Variants in MGST1 observed in about 807,000 individuals in gnomAD.
MGST1 encodes the protein glutathione S-transferase 12.
MGST1 carries 5 observed loss-of-function variants against 8.9 expected under a neutral mutation model. That is an observed-to-expected ratio of 0.56 (90% CI 0.29 to 1.19). The LOEUF is 1.19. Ranked by LOEUF, MGST1 falls within the 50% of genes most tolerant of loss-of-function variation. The probability of loss-of-function intolerance (pLI) is 0.08; values close to 1 mark genes in which losing one functional copy is unlikely to be tolerated. For missense variants in MGST1, 182 were observed against 187.4 expected, an observed-to-expected ratio of 0.97 and a Z score of 0.17; for synonymous variants, 54 against 67.8, an observed-to-expected ratio of 0.80 and a Z score of 1.00.
chr12:16,423,852 C>A (rs915108145), intron 1 of MGST1, among the ~76,000 whole-genome samples: 1 of 152,202 alleles, frequency 6.6e-6, no homozygotes, highest in Non-Finnish European at 1.5e-5. Flanking sequence ...TACATTCTCA[C>A]CAGGCCCTTT....
chr12:16,386,654 G>A (rs144906570), intron 1 of MGST1, among the ~76,000 whole-genome samples: 6 of 152,268 alleles, frequency 3.9e-5, no homozygotes, highest in East Asian at 3.9e-4. Flanking sequence ...CCAGTATGCC[G>A]CTCACTGTGT....
At chr12:16,438,396 T>C (rs770219737) in exon 2 of MGST1, 3 of 151,898 alleles carry the variant, frequency 2.0e-5, no homozygotes, top group Non-Finnish European at 2.9e-5. Flanking sequence ...CTAGACTCTA[T>C]GGTGATGAAG....
chr12:16,572,737 G>T (rs754021222), intron 4 of MGST1, among the ~76,000 whole-genome samples: 6 of 148,634 alleles, frequency 4.0e-5, no homozygotes, highest in African/African-American at 1.5e-4. Context: ...ACCATATAAT[G>T]CTCTGCTCAC....
Position 16,585,634 on chromosome 12 carries a change from G to T in MGST1, n.483-3894G>T, listed in dbSNP as rs942835149. Among the ~76,000 whole-genome samples the T allele has an allele frequency of 2.6e-5, 4 of 152,114 alleles. No homozygotes were observed. The highest frequency in any genetic ancestry group is 9.7e-5 in the African/African-American group (4 of 41,406). On this transcript the variant is annotated intron_variant and non_coding_transcript_variant, in intron 4 of 4. Transcript: ENST00000538857. The surrounding 1 kb of genome is among the most constrained non-coding windows in gnomAD (Gnocchi z 4.7). ...CCACCTGTATTTTCTTTCCGTTGAAGTCCACCCATTCCAATTATTTAAGTG... is the reference window on the plus strand; with the variant it reads ...CCACCTGTATTTTCTTTCCGTTGAATTCCACCCATTCCAATTATTTAAGTG...
chr12:16,557,734 T>A (rs755703543), intron 4 of MGST1, among the ~76,000 whole-genome samples: 1 of 152,096 alleles, frequency 6.6e-6, no homozygotes, highest in Non-Finnish European at 1.5e-5. Flanking sequence ...TAAATTATTT[T>A]ATTGAAGTTT....
Position 16,361,913 on chromosome 12 carries a change from C to G in MGST1, c.222-1882C>G, listed in dbSNP as rs1940014567. On this transcript the variant is annotated intron_variant, in intron 3 of 3. Coordinates refer to ENST00000396210, the MANE Select transcript of MGST1 (RefSeq NM_020300.5). The surrounding 1 kb of genome is among the most constrained non-coding windows in gnomAD (Gnocchi z 4.2). ...ACCCCTGCCCCTTGACCTTCCTTCC[C>G]TCTACCCTCATGGTCCTCTTACTGT... Among the ~76,000 whole-genome samples the G allele has an allele frequency of 6.6e-6, 1 of 152,146 alleles. No individual in the cohort carries two copies. The highest frequency in any genetic ancestry group is 1.5e-5 in the Non-Finnish European group (1 of 68,026).
intron 4 of MGST1, among the ~76,000 whole-genome samples, chr12:16,564,223 C>T (rs1942508718): frequency 6.6e-6 from 1 of 152,146 alleles, no homozygotes; most frequent in Admixed American, 6.6e-5. Context: ...ACACGGCCTA[C>T]CTGTATGCTG....
At chr12:16,477,324 TA>T (rs1941330134) in intron 4 of MGST1, among the ~76,000 whole-genome samples, 1 of 152,164 alleles carries the variant, frequency 6.6e-6, no homozygotes, top group Non-Finnish European at 1.5e-5. Context: ...ATCTTAAAAG[TA>T]GAATCTCTTT....
At chr12:16,552,386 A>C (rs1591763684) in intron 4 of MGST1, among the ~76,000 whole-genome samples, 1 of 152,056 alleles carries the variant, frequency 6.6e-6, no homozygotes, top group East Asian at 1.9e-4. Context: ...GTTCCAGCAG[A>C]AATCTTAGTG....
chr12:16,391,875 G>A (rs1231303257), intron 1 of MGST1, among the ~76,000 whole-genome samples: 1 of 152,034 alleles, frequency 6.6e-6, no homozygotes, highest in Non-Finnish European at 1.5e-5. Flanking sequence ...TCATAGTTTT[G>A]GGTTTTACAT....
chr12:16,474,623 AC>A (rs1197808276), intron 4 of MGST1, among the ~76,000 whole-genome samples: 1 of 152,028 alleles, frequency 6.6e-6, no homozygotes, highest in African/African-American at 2.4e-5. Flanking sequence ...AATTCATATA[AC>A]CTTTTTGATC....
chr12:16,470,282 A>G (rs1211720011), intron 4 of MGST1, among the ~76,000 whole-genome samples: 1 of 152,208 alleles, frequency 6.6e-6, no homozygotes, highest in African/African-American at 2.4e-5. Flanking sequence ...TTATCCTGCA[A>G]TTTAGATCAA....
At chr12:16,423,654 T>A (rs1161988013) in intron 1 of MGST1, among the ~76,000 whole-genome samples, 1 of 152,262 alleles carries the variant, frequency 6.6e-6, no homozygotes, top group African/African-American at 2.4e-5. Flanking sequence ...CTCATTATGA[T>A]GCTAATTACC....
intron 4 of MGST1, among the ~76,000 whole-genome samples, chr12:16,562,869 T>C (rs561041251): frequency 6.6e-6 from 1 of 152,338 alleles, no homozygotes; most frequent in South Asian, 2.1e-4. Flanking sequence ...CAGTGTACTT[T>C]CCACTACAAT....
downstream of MGST1, among the ~76,000 whole-genome samples, chr12:16,378,060 G>A (rs1940408327): frequency 2.0e-5 from 3 of 151,962 alleles, no homozygotes; most frequent in South Asian, 2.1e-4. Context: ...TTTGTCAGAT[G>A]AGTAGGTTGC....
At chr12:16,402,195 A>G (rs1940661740) in intron 1 of MGST1, 5 of 1,582,042 alleles carry the variant, frequency 3.2e-6, no homozygotes, top group African/African-American at 1.3e-5. Context: ...TTTGCTGGCC[A>G]TAAAGATGAT....
chr12:16,552,410 G>T (rs1942024156), intron 4 of MGST1, among the ~76,000 whole-genome samples: 1 of 152,004 alleles, frequency 6.6e-6, no homozygotes, highest in Admixed American at 6.6e-5. Flanking sequence ...AGATTAAATT[G>T]TGTAGTGAAA....
chr12:16,377,183 A>G (rs113433165), exon 4 of MGST1: 1 of 152,114 alleles, frequency 6.6e-6, no homozygotes, highest in Admixed American at 6.5e-5. Flanking sequence ...TTTAGGGTAC[A>G]TGTGCACAAC....
intron 4 of MGST1, among the ~76,000 whole-genome samples, chr12:16,529,351 A>G (rs117134772): frequency 1.3e-5 from 2 of 152,022 alleles, no homozygotes; most frequent in African/African-American, 4.8e-5. Flanking sequence ...GCCAAAAATA[A>G]TTATTGACTT....
Sources: allele counts gnomAD v4.1 joint callset (sites outside exome capture counted in the v4.1 genomes callset), GRCh38; gene constraint gnomAD v4.1.1; non-coding constraint Gnocchi (gnomAD v3.1); transcripts MANE v1.5; gene names NCBI Gene and HGNC (gene_info 2026-07-23, HGNC 2026-07-21).